The following LRP6 variants were observed in gnomAD, a reference collection of about 807,000 sequenced individuals.
The protein encoded by LRP6 is LDL receptor related protein 6.
In LRP6, 43 loss-of-function variants were observed where a neutral mutation model predicts 184.1. That is an observed-to-expected ratio of 0.23 (90% CI 0.18 to 0.30). The LOEUF (loss-of-function observed/expected upper bound fraction) is 0.30, where lower values mean the gene tolerates loss of function less well. Among genes scored for constraint, LRP6 ranks in the 10% least tolerant of loss-of-function variants. The pLI is 1.00. For missense variants in LRP6, 1,571 were observed against 2,005.3 expected, an observed-to-expected ratio of 0.78 and a Z score of 4.14; for synonymous variants, 719 against 684.9, an observed-to-expected ratio of 1.05 and a Z score of -0.78.
intron 2 of LRP6, among the ~76,000 whole-genome samples, chr12:12,229,738 A>G (rs1864732856): frequency 6.6e-6 from 1 of 152,218 alleles, no homozygotes; most frequent in African/African-American, 2.4e-5. Context: ...TGTGTGATAA[A>G]TATCTCCCTT....
At chr12:12,171,039 C>T (rs879752008) in intron 7 of LRP6, among the ~76,000 whole-genome samples, 1 of 152,096 alleles carries the variant, frequency 6.6e-6, no homozygotes, top group Non-Finnish European at 1.5e-5. Flanking sequence ...CTGCTTAAGA[C>T]ACGCTGCAGT....
chr12:12,192,383 T>TAA (rs530967386), intron 3 of LRP6, among the ~76,000 whole-genome samples: 12 of 138,410 alleles, frequency 8.7e-5, no homozygotes, highest in Non-Finnish European at 9.5e-5. Flanking sequence ...TAAGATAATT[T>TAA]AAAAAAAAAA....
chr12:12,130,610 T>A (rs1302722467), intron 19 of LRP6, among the ~76,000 whole-genome samples, 173 bp downstream of exon 19: 1 of 152,218 alleles, frequency 6.6e-6, no homozygotes, highest in African/African-American at 2.4e-5. Context: ...AAAACTGCTA[T>A]GTTTAAAGAA....
intron 14 of LRP6, among the ~76,000 whole-genome samples, chr12:12,147,932 G>A (rs1425791621): frequency 6.6e-6 from 1 of 151,666 alleles, no homozygotes; most frequent in African/African-American, 2.4e-5. Flanking sequence ...CTGAGATTGT[G>A]TCACTGCACT....
intron 1 of LRP6, among the ~76,000 whole-genome samples, chr12:12,257,150 T>TGGGG (rs1865484187): frequency 6.6e-6 from 1 of 152,132 alleles, no homozygotes; most frequent in Admixed American, 6.6e-5. Context: ...GAGCAGGGGA[T>TGGGG]GATAAGCGTT....
chr12:12,130,937 T>C, intron 18 of LRP6, 44 bp from the exon 19 acceptor site: 1 of 1,090,820 alleles, frequency 9.2e-7, no homozygotes, highest in Non-Finnish European at 1.4e-6. Flanking sequence ...TAATATCATG[T>C]AAAGTCAAAC....
chr12:12,157,693 T>G (rs1328039912), intron 12 of LRP6, among the ~76,000 whole-genome samples: 1 of 152,328 alleles, frequency 6.6e-6, no homozygotes, highest in East Asian at 1.9e-4. Flanking sequence ...AAGAAAGTCA[T>G]GTCAATAGTT....
chr12:12,128,089 A>G (rs1003368927), intron 19 of LRP6, among the ~76,000 whole-genome samples: 3 of 152,128 alleles, frequency 2.0e-5, no homozygotes, highest in Non-Finnish European at 4.4e-5. Flanking sequence ...GTCACACCAT[A>G]AACTCCCTGA....
At chr12:12,155,797 T>A in intron 12 of LRP6, 2 of 751,078 alleles carry the variant, frequency 2.7e-6, no homozygotes, top group Non-Finnish European at 4.7e-6. Context: ...ATAAAAGACT[T>A]CTGGACTGTT....
chr12:12,127,494 A>G (rs1254411255), intron 19 of LRP6, among the ~76,000 whole-genome samples: 3 of 152,178 alleles, frequency 2.0e-5, no homozygotes, highest in Admixed American at 1.3e-4. Context: ...CAAATCCCCT[A>G]TGCTGCTGGC....
chr12:12,225,815 T>C (rs1178479826), intron 2 of LRP6, among the ~76,000 whole-genome samples: 2 of 147,208 alleles, frequency 1.4e-5, no homozygotes, highest in Non-Finnish European at 3.0e-5. Flanking sequence ...GAGGTTGCAC[T>C]GAGCCGAGAT....
chr12:12,121,054 C>T lies in LRP6; in HGVS notation c.*72G>A, dbSNP rs957714678. The T allele has an allele frequency of 2.2e-6, 3 of 1,376,162 alleles. No homozygotes were observed. The highest frequency in any genetic ancestry group is 2.9e-6 in the Non-Finnish European group (3 of 1,020,932). The allele number at this position is 1,376,162 out of a possible 1,614,324, so 85.2% of individuals were successfully genotyped here. On this transcript the variant is annotated 3_prime_UTR_variant, in exon 23 of 23. Coordinates refer to ENST00000261349, the MANE Select transcript of LRP6 (RefSeq NM_002336.3). ...CATCCTTCTCTAATAGCTCCCTCCC[C>T]CCCTCCAGATCTCAACCAAATTTAT... is the stretch of plus-strand genomic sequence containing the variant.
At chr12:12,259,643 CAT>C (rs998912147) in intron 1 of LRP6, among the ~76,000 whole-genome samples, 2 of 152,180 alleles carry the variant, frequency 1.3e-5, no homozygotes, top group East Asian at 1.9e-4. Context: ...GAAACAAAAG[CAT>C]ATGTTAATAA....
chr12:12,226,363 T>C (rs1184481398), intron 2 of LRP6, among the ~76,000 whole-genome samples: 3 of 152,088 alleles, frequency 2.0e-5, no homozygotes, highest in Non-Finnish European at 4.4e-5. Context: ...CAGATTGAAA[T>C]ATGGCAAGAA....
chr12:12,138,433 T>A lies in LRP6; in HGVS notation c.3499A>T (p.Ile1167Phe), dbSNP rs758881339. The A allele has an allele frequency of 6.2e-7, 1 of 1,614,002 alleles. No individual in the cohort carries two copies. Among genetic ancestry groups the A allele is most frequent in the African/African-American group, 1.3e-5 (1 of 74,916 alleles). Residue 1167 changes from isoleucine (I) to phenylalanine (F), a missense_variant, in exon 16 of 23, where the codon ATT (isoleucine) becomes TTT (phenylalanine). Coordinates refer to ENST00000261349, the MANE Select transcript of LRP6 (RefSeq NM_002336.3). ...LYWIDKQQQM[I>F]EKIDMTGREG... is the part of the protein sequence containing the mutation. Reference sequence around the variant, plus strand: ...CGACCTGTCATGTCAATTTTTTCAATCATTTGCTGCTGTTTATCAATCCAA... The same window carrying A: ...CGACCTGTCATGTCAATTTTTTCAAACATTTGCTGCTGTTTATCAATCCAA...
In LRP6 at chr12:12,159,927, T is replaced by C. The variant is rs1344166789; in HGVS notation, c.2317A>G (p.Ile773Val). 1.9e-6 allele frequency: 3 copies of C among 1,613,728 alleles called. No individual in the cohort carries two copies. Among genetic ancestry groups the C allele is most frequent in the Non-Finnish European group, 2.5e-6 (3 of 1,179,860 alleles). ...YWTEWGGKPKIDRAAMDGSER... is the reference protein window; with the variant it reads ...YWTEWGGKPKVDRAAMDGSER... ...CTTCCATCCATTGCAGCTCTGTCTA[T>C]CTTAGGTTTTCCACCCCATTCAGTC... The change falls in exon 11 of 23, where the codon ATA becomes GTA. Residue 773 changes from isoleucine (I) to valine (V), a missense_variant. Coordinates refer to ENST00000261349, the MANE Select transcript of LRP6 (RefSeq NM_002336.3).
intron 12 of LRP6, among the ~76,000 whole-genome samples, chr12:12,154,712 A>G (rs1354631524): frequency 2.0e-5 from 3 of 152,192 alleles, no homozygotes; most frequent in Non-Finnish European, 2.9e-5. Flanking sequence ...AAAAGAGGGA[A>G]AAAAGCCAGA....
At chr12:12,179,530 G>A (rs984481394) in intron 7 of LRP6, among the ~76,000 whole-genome samples, 2 of 151,990 alleles carry the variant, frequency 1.3e-5, no homozygotes, top group South Asian at 2.1e-4. Context: ...TTCAGAAAGT[G>A]GCTTTACCCA....
intron 7 of LRP6, among the ~76,000 whole-genome samples, chr12:12,178,255 T>A (rs575044290): frequency 2.2e-4 from 34 of 152,312 alleles, no homozygotes; most frequent in African/African-American, 7.2e-4. Context: ...TTTGTTATTC[T>A]GAATAAATTT....
Sources: allele counts gnomAD v4.1 joint callset (sites outside exome capture counted in the v4.1 genomes callset), GRCh38; gene constraint gnomAD v4.1.1; transcripts MANE v1.5; gene names NCBI Gene and HGNC (gene_info 2026-07-23, HGNC 2026-07-21).